The following HCN2 variants were observed in gnomAD, a reference collection of about 807,000 sequenced individuals.
The protein encoded by HCN2 is potassium/sodium hyperpolarization-activated cyclic nucleotide-gated channel 2.
Under a neutral mutation model 52.3 loss-of-function variants are expected in HCN2, and 20 were observed. That is an observed-to-expected ratio of 0.38 (90% CI 0.27 to 0.56). HCN2 has a LOEUF of 0.56. Among genes scored for constraint, HCN2 ranks in the 20% least tolerant of loss-of-function variants. The pLI is 0.71. For missense variants in HCN2, 981 were observed against 1,207.7 expected (o/e 0.81, Z 2.78); for synonymous variants, 694 against 537.0 (o/e 1.29, Z -4.04).
At position 590,294 on chromosome 19, in the gene HCN2, C is replaced by T. The variant is rs1178274152; in HGVS notation, c.349C>T (p.Pro117Ser). The T allele has an allele frequency of 1.1e-5, 11 of 995,628 alleles. No individual in the cohort carries two copies. Among genetic ancestry groups the T allele is most frequent in the Non-Finnish European group, 1.2e-5 (10 of 838,674 alleles). 61.7% of individuals were successfully genotyped at this position (995,628 alleles called of 1,614,324 possible). The change falls in exon 1 of 8, where the codon CCG (proline) becomes TCG (serine). Residue 117 changes from proline to serine, a missense_variant. By Grantham distance (74) the Pro-to-Ser change is moderately conservative. Transcript: ENST00000251287. This position sits in a 1 kb window ranked among gnomAD's most constrained non-coding sequence, Gnocchi z 7.2. ...GTGCAGCCCCGCGGGGCCCGAGGGC[C>T]CGGCGCGGGGGCCCAAGGTGTCGTT... ...PQCSPAGPEG[P>S]ARGPKVSFSC...
intron 1 of HCN2, among the ~76,000 whole-genome samples, chr19:593,348 G>A (rs1162812321): frequency 1.3e-5 from 2 of 152,206 alleles, no homozygotes; most frequent in South Asian, 2.1e-4. Context: ...AGGGTGCAGC[G>A]GCTCACGCCT....
intron 6 of HCN2, 65 bp downstream of exon 6, chr19:613,553 A>T: frequency 1.8e-6 from 1 of 569,338 alleles, no homozygotes; most frequent in Non-Finnish European, 2.6e-6. Context: ...GTGCAGAGCC[A>T]GGGGGCCGGG....
chr19:599,545 C>T (rs968609093), intron 1 of HCN2, among the ~76,000 whole-genome samples: 11 of 151,514 alleles, frequency 7.3e-5, no homozygotes, highest in Non-Finnish European at 1.3e-4. Flanking sequence ...TTTAGGAGGC[C>T]AAGGCGGGCG....
At chr19:615,709 G>T in intron 7 of HCN2, 86 bp from the exon 8 acceptor site, 3 of 1,337,386 alleles carry the variant, frequency 2.2e-6, no homozygotes, top group South Asian at 2.4e-5. Context: ...CACTGTGTGC[G>T]CACCCGCGGT....
rs752725114 is a variant in HCN2 at position 615,976 on chromosome 19, C to T, written c.2172C>T (p.Thr724=). Residue 724 remains threonine, a synonymous_variant, in exon 8 of 8, where the codon ACC becomes ACT. Transcript: ENST00000251287. ...CGCCGCCGCCGCCGCCGCAGGTCAC[C>T]TCGGCCATCGCCACGCTGCAGCAGG... ...FPPPPPPPQV[T]SAIATLQQAA... 16 of 1,597,392 alleles carry T rather than the reference C, an allele frequency of 1.0e-5. No individual in the cohort carries two copies. The highest frequency in any genetic ancestry group is 1.3e-5 in the Non-Finnish European group (15 of 1,174,874).
intron 7 of HCN2, among the ~76,000 whole-genome samples, chr19:614,739 G>A (rs1235050968): frequency 2.6e-5 from 4 of 152,092 alleles, no homozygotes. Flanking sequence ...TTCTAGGTGG[G>A]CGGAGGACCT....
chr19:597,941 G>T lies in HCN2; in HGVS notation c.633-5603G>T, dbSNP rs142944158. 5.8e-3 allele frequency among the ~76,000 whole-genome samples: 891 copies of T among 152,342 alleles called. 6 individuals are homozygous for T. The highest frequency in any genetic ancestry group is 0.014 in the Middle Eastern group (4 of 294). On this transcript the variant is annotated intron_variant, in intron 1 of 7. Coordinates refer to ENST00000251287, the MANE Select transcript of HCN2 (RefSeq NM_001194.4). ...CTGGGAGTTTCTCCTCGCCCCTCGT[G>T]GGGGAGGTTTCTAGGCCCTGTGGCC...
chr19:599,594 A>T (rs941177028), intron 1 of HCN2, among the ~76,000 whole-genome samples: 4 of 151,644 alleles, frequency 2.6e-5, no homozygotes, highest in Non-Finnish European at 4.4e-5. Flanking sequence ...CCTGGCTAAC[A>T]TGGTGAAACC....
intron 2 of HCN2, 137 bp from the exon 3 acceptor site, chr19:604,924 G>GGTGGGGGTCCTGT: frequency 1.1e-6 from 1 of 911,580 alleles, no homozygotes; most frequent in Non-Finnish European, 1.6e-6. Context: ...TGCAGGGTGG[G>GGTGGGGGTCCTGT]GCGGGGGTCC....
chr19:606,970 T>G (rs1983447106), intron 3 of HCN2, among the ~76,000 whole-genome samples: 1 of 151,696 alleles, frequency 6.6e-6, no homozygotes, highest in Non-Finnish European at 1.5e-5. Flanking sequence ...GTCAGGAGTT[T>G]GAGACCAGCC....
At chr19:601,042 C>G (rs1023855647) in intron 1 of HCN2, among the ~76,000 whole-genome samples, 1 of 152,190 alleles carries the variant, frequency 6.6e-6, no homozygotes, top group Non-Finnish European at 1.5e-5. Context: ...CGGCCGGGCG[C>G]AGTGGCTCAG....
At chr19:602,096 C>T (rs1219456912) in intron 1 of HCN2, among the ~76,000 whole-genome samples, 3 of 134,036 alleles carry the variant, frequency 2.2e-5, no homozygotes, top group Non-Finnish European at 3.2e-5. Context: ...CGCCCCACTT[C>T]CTCCCCTCTC....
chr19:609,990 CCT>C (rs1219702797), intron 4 of HCN2, among the ~76,000 whole-genome samples: 6 of 152,234 alleles, frequency 3.9e-5, no homozygotes, highest in Admixed American at 2.6e-4. Context: ...TCTGGCCGCC[CCT>C]GTGTGTGGCG....
chr19:604,561 G>A (rs1433176158), intron 2 of HCN2, among the ~76,000 whole-genome samples: 2 of 148,828 alleles, frequency 1.3e-5, no homozygotes, highest in African/African-American at 2.5e-5. Context: ...CATCAGGGGC[G>A]GGGCTATGAG....
At chr19:610,438 C>A in intron 5 of HCN2, 33 bp downstream of exon 5, 1 of 1,600,700 alleles carries the variant, frequency 6.2e-7, no homozygotes, top group Non-Finnish European at 8.5e-7. Flanking sequence ...GGGAGGCAGC[C>A]TCCGGTACAG....
intron 1 of HCN2, among the ~76,000 whole-genome samples, chr19:602,189 C>T (rs111848688): frequency 1.8e-3 from 104 of 58,734 alleles, no homozygotes; most frequent in Admixed American, 3.4e-3. Flanking sequence ...ACGCCCCACT[C>T]CCTCCTCTCT....
chr19:595,409 CT>C (rs1982998646), intron 1 of HCN2, among the ~76,000 whole-genome samples: 1 of 152,076 alleles, frequency 6.6e-6, no homozygotes, highest in Non-Finnish European at 1.5e-5. Flanking sequence ...ATCGGTCCTT[CT>C]TTCCCTGTCA....
At position 590,359 on chromosome 19, in the gene HCN2, G is replaced by C; in HGVS notation, c.414G>C (p.Pro138=). 10 of 1,132,276 alleles carry C rather than the reference G, an allele frequency of 8.8e-6. No individual in the cohort carries two copies. Among genetic ancestry groups the C allele is most frequent in the Non-Finnish European group, 1.1e-5 (10 of 925,262 alleles). 70.1% of individuals were successfully genotyped at this position (1,132,276 alleles called of 1,614,324 possible). Residue 138 remains proline, a synonymous_variant, in exon 1 of 8, where the codon CCG becomes CCC. Transcript: ENST00000251287. This position sits in a 1 kb window ranked among gnomAD's most constrained non-coding sequence, Gnocchi z 7.2. The stretch of plus-strand genomic sequence containing the variant: ...CGGCCTCGGGGCCCGCGCCGGGGCC[G>C]GGGCCGGCGGAGGAGGCGGGCAGCG... ...RGAASGPAPG[P]GPAEEAGSEE... is the part of the protein sequence containing the mutation.
At position 608,236 on chromosome 19, in the gene HCN2, T is replaced by G. The variant is rs1983488926; in HGVS notation, c.1437+54T>G. The G allele has an allele frequency of 2.6e-6, 4 of 1,520,126 alleles. No individual in the cohort carries two copies. In the African/African-American group the frequency reaches 5.5e-5, roughly 21 times the overall value. 94.2% of individuals were successfully genotyped at this position (1,520,126 alleles called of 1,614,324 possible). On this transcript the variant is annotated intron_variant, in intron 4 of 7. Coordinates refer to ENST00000251287, the MANE Select transcript of HCN2 (RefSeq NM_001194.4). ...TTCTGATGGGGGAGGCGGGCCTGGA[T>G]CTGGGGTCTGAGAGAGAGTCAGGCC... is the stretch of plus-strand genomic sequence containing the variant.
Sources: gnomAD v4.1 joint callset for allele counts (sites outside exome capture counted in the v4.1 genomes callset) on GRCh38, gnomAD v4.1.1 for gene constraint, Gnocchi (gnomAD v3.1) non-coding constraint, MANE v1.5 for transcripts, NCBI Gene and HGNC (gene_info 2026-07-23, HGNC 2026-07-21) for gene names.